The following TTF1 variants were observed in gnomAD, a reference collection of about 807,000 sequenced individuals.
The protein encoded by TTF1 is transcription termination factor, RNA polymerase I.
In TTF1, 64 loss-of-function variants were observed where a neutral mutation model predicts 80.2. The ratio of observed to expected loss-of-function variants is 0.80; its 90% CI spans 0.65 to 0.98. The LOEUF is 0.98. Among genes scored for constraint, TTF1 ranks in the 50% least tolerant of loss-of-function variants. The probability of loss-of-function intolerance (pLI) is 0.00; values close to 1 mark genes in which losing one functional copy is unlikely to be tolerated. For missense variants in TTF1, 1,023 were observed against 1,086.2 expected (o/e 0.94, Z 0.82); for synonymous variants, 372 against 382.7 (o/e 0.97, Z 0.33).
chr9:132,394,452 G>A (rs1054330475), intron 5 of TTF1, among the ~76,000 whole-genome samples: 5 of 151,448 alleles, frequency 3.3e-5, no homozygotes, highest in Non-Finnish European at 5.9e-5. Flanking sequence ...GCTAATTTTT[G>A]TATTTTTAGT....
Position 132,375,868 on chromosome 9 carries a change from T to C in TTF1, c.*47A>G, listed in dbSNP as rs527660653. ...CGGCTAATTTTTGCATTTTTAATAG[T>C]GACAGGTCTTCACCATGTTGGTCAG... On this transcript the variant is annotated 3_prime_UTR_variant, in exon 11 of 11. Transcript: ENST00000334270. 4.2e-6 allele frequency: 5 copies of C among 1,195,482 alleles called. No homozygotes were observed. The Admixed American group carries it at 8.8e-5, about 21-fold the overall frequency. 74.1% of individuals were successfully genotyped at this position (1,195,482 alleles called of 1,614,324 possible). A position where few individuals can be genotyped will look rare whatever the true frequency, so the allele number is the denominator to read the frequency against.
chr9:132,385,065 G>A (rs1849435790), intron 9 of TTF1, among the ~76,000 whole-genome samples: 1 of 152,162 alleles, frequency 6.6e-6, no homozygotes, highest in South Asian at 2.1e-4. Context: ...ATGATATTCA[G>A]TTCTGTATTT....
chr9:132,392,199 C>T lies in TTF1; in HGVS notation c.1864G>A (p.Glu622Lys), dbSNP rs373368136. 42 of 1,614,090 alleles carry T rather than the reference C, an allele frequency of 2.6e-5. No homozygotes were observed. Among genetic ancestry groups the T allele is most frequent in the African/African-American group, 1.6e-4 (12 of 75,028 alleles). Reference sequence around the variant, plus strand: ...ATCTTTAACTTCTCAGTATCTCCTTCGCTATACCTAGGAGAAAGGGAAAAT... The same window carrying T: ...ATCTTTAACTTCTCAGTATCTCCTTTGCTATACCTAGGAGAAAGGGAAAAT... ...DVNNYKGRYS[E>K]GDTEKLKMYH... The change falls in exon 6 of 11, where the codon GAA becomes AAA. Residue 622 changes from glutamate to lysine, a missense_variant. Glu to Lys is a moderately conservative substitution (Grantham distance 56). Coordinates refer to ENST00000334270, the MANE Select transcript of TTF1 (RefSeq NM_007344.4).
At chr9:132,378,630 TG>T (rs1245338429) in intron 10 of TTF1, among the ~76,000 whole-genome samples, 2 of 71,308 alleles carry the variant, frequency 2.8e-5, no homozygotes, top group Non-Finnish European at 4.9e-5. Context: ...TGCATGTGGT[TG>T]GTGTGAGTGC....
At position 132,375,808 on chromosome 9, in the gene TTF1, A is replaced by T. The variant is rs1053528041; in HGVS notation, c.*107T>A. 6.8e-5 allele frequency: 46 copies of T among 680,466 alleles called. No homozygotes were observed. The African/African-American group carries it at 8.3e-4, about 12-fold the overall frequency. 42.2% of individuals were successfully genotyped at this position (680,466 alleles called of 1,614,324 possible). Reference sequence around the variant, plus strand: ...AGCAATTCTCCTGCCTCAGCCTCCCAAGTAGTTGAAATTACAGGTGTGCAC... The same window carrying T: ...AGCAATTCTCCTGCCTCAGCCTCCCTAGTAGTTGAAATTACAGGTGTGCAC... On this transcript the variant is annotated 3_prime_UTR_variant, in exon 11 of 11. Transcript: ENST00000334270.
At chr9:132,401,068 G>A (rs1461178109) in intron 2 of TTF1, among the ~76,000 whole-genome samples, 1 of 152,154 alleles carries the variant, frequency 6.6e-6, no homozygotes, top group Non-Finnish European at 1.5e-5. Flanking sequence ...GGTGGTTCAC[G>A]CCTGTAATCC....
intron 10 of TTF1, among the ~76,000 whole-genome samples, chr9:132,377,600 G>A (rs1209531133): frequency 4.1e-5 from 3 of 73,318 alleles, no homozygotes; most frequent in African/African-American, 1.2e-4. Context: ...TGCATGTGGT[G>A]TGTGTGTGAA....
chr9:132,395,941 G>A (rs974482051), intron 5 of TTF1, among the ~76,000 whole-genome samples: 1 of 152,144 alleles, frequency 6.6e-6, no homozygotes, highest in Non-Finnish European at 1.5e-5. Flanking sequence ...ATTGTATTTG[G>A]GGAAAAGGAA....
rs766567602 is a variant in TTF1, at chr9:132,402,275, C to T, written c.547G>A (p.Ala183Thr). ...RKAASWESQR[A>T]RDTLPQSESH... ...TCTGACTGAGGCAGGGTGTCCCTTG[C>T]CCGCTGGCTCTCCCAGGATGCAGCT... The change falls in exon 2 of 11, where the codon GCA (alanine) becomes ACA (threonine). Residue 183 changes from alanine to threonine, a missense_variant. Ala to Thr is a moderately conservative substitution (Grantham distance 58). Transcript: ENST00000334270. 2 of 1,614,086 alleles carry T rather than the reference C, an allele frequency of 1.2e-6. No individual in the cohort carries two copies. Among genetic ancestry groups the T allele is most frequent in the Non-Finnish European group, 1.7e-6 (2 of 1,180,000 alleles).
In TTF1 at chr9:132,379,150, G is replaced by A. The variant is rs751468421; in HGVS notation, c.2379-6C>T. On this transcript the variant is annotated splice_region_variant and splice_polypyrimidine_tract_variant and intron_variant, in intron 9 of 10. Transcript: ENST00000334270. ...CGTAAGATGGAGGAACATCACTTTA[G>A]AAAAGGAAAGAAAAGATAAAAAGCA... The A allele has an allele frequency of 2.5e-6, 4 of 1,587,164 alleles. No individual in the cohort carries two copies. Among genetic ancestry groups the A allele is most frequent in the East Asian group, 4.5e-5 (2 of 44,630 alleles).
chr9:132,378,354 TGTG>T (rs1302004267), intron 10 of TTF1, among the ~76,000 whole-genome samples: 2 of 114,212 alleles, frequency 1.8e-5, no homozygotes, highest in African/African-American at 3.3e-5. Flanking sequence ...TGTGAGTGCA[TGTG>T]GTGCGTGTGA....
In TTF1 at chr9:132,381,624, G is replaced by C. The variant is rs1239266150; in HGVS notation, c.2379-2480C>G. On this transcript the variant is annotated intron_variant, in intron 9 of 10. Transcript: ENST00000334270. The stretch of plus-strand genomic sequence containing the variant: ...AGCACCTGGCACCCTCCCTGCTTGG[G>C]GCCTATGATGCTGAAGAGTGGGCAC... Among the ~76,000 whole-genome samples the C allele has an allele frequency of 2.0e-5, 3 of 152,152 alleles. No individual in the cohort carries two copies. The South Asian group carries it at 6.2e-4, about 32-fold the overall frequency.
chr9:132,380,219 AC>A (rs1017658222), intron 9 of TTF1, among the ~76,000 whole-genome samples: 3 of 151,970 alleles, frequency 2.0e-5, no homozygotes, highest in Non-Finnish European at 4.4e-5. Context: ...ACAGGTGCCC[AC>A]CACCACGCCC....
At chr9:132,381,894 C>T (rs577325980) in intron 9 of TTF1, among the ~76,000 whole-genome samples, 1 of 152,308 alleles carries the variant, frequency 6.6e-6, no homozygotes, top group South Asian at 2.1e-4. Context: ...TCCTAATGGA[C>T]CAATGGCGAC....
At position 132,395,673 on chromosome 9, in the gene TTF1, A is replaced by G. The variant is rs148174472; in HGVS notation, c.1856+760T>C. Among the ~76,000 whole-genome samples the G allele has an allele frequency of 3.1e-3, 476 of 152,336 alleles. 2 individuals carry two copies. The highest frequency in any genetic ancestry group is 0.011 in the African/African-American group (462 of 41,580). Reference sequence around the variant, plus strand: ...AGGTCATATCAACGTTGGAAGTTTAAGTAATGACCTATGTCTCAGTTTACA... The same window carrying G: ...AGGTCATATCAACGTTGGAAGTTTAGGTAATGACCTATGTCTCAGTTTACA... On this transcript the variant is annotated intron_variant, in intron 5 of 10. Transcript: ENST00000334270.
rs1429870964 is a variant in TTF1 at position 132,384,923 on chromosome 9, T to C, written c.2378+1633A>G. Among the ~76,000 whole-genome samples, 1 of 152,218 alleles carries C rather than the reference T, an allele frequency of 6.6e-6. No individual in the cohort carries two copies. Among genetic ancestry groups the C allele is most frequent in the Non-Finnish European group, 1.5e-5 (1 of 68,034 alleles). ...TGCCCACCTTGGCCTCCCAAAGTGC[T>C]GGGATTACAGGCAAGAGCCACCGTG... On this transcript the variant is annotated intron_variant, in intron 9 of 10. Transcript: ENST00000334270. This position sits in a 1 kb window ranked among gnomAD's most constrained non-coding sequence, Gnocchi z 4.1.
rs191219444 is a variant in TTF1, at chr9:132,389,077, T to C, written c.2223-849A>G. On this transcript the variant is annotated intron_variant, in intron 7 of 10. Coordinates refer to ENST00000334270, the MANE Select transcript of TTF1 (RefSeq NM_007344.4). The stretch of plus-strand genomic sequence containing the variant: ...ATTAATAGCTAAATCTTGCACGTTA[T>C]CTTAATTATGTTGATCTTGAACCAG... Among the ~76,000 whole-genome samples the C allele has an allele frequency of 3.9e-5, 6 of 152,276 alleles. No homozygotes were observed. In the East Asian group the frequency reaches 1.2e-3, roughly 29 times the overall value.
rs1400082501 is a variant in TTF1 at position 132,384,894 on chromosome 9, G to A, written c.2378+1662C>T. On this transcript the variant is annotated intron_variant, in intron 9 of 10. Transcript: ENST00000334270. This position sits in a 1 kb window ranked among gnomAD's most constrained non-coding sequence, Gnocchi z 4.1. ...TGGTCTTGAACTCCTGACCTCAGGT[G>A]ATCTGCCCACCTTGGCCTCCCAAAG... Among the ~76,000 whole-genome samples the A allele has an allele frequency of 6.6e-6, 1 of 152,258 alleles. No homozygotes were observed. Among genetic ancestry groups the A allele is most frequent in the South Asian group, 2.1e-4 (1 of 4,816 alleles).
chr9:132,397,679 C>T (rs1208947351), intron 4 of TTF1, among the ~76,000 whole-genome samples: 1 of 152,172 alleles, frequency 6.6e-6, no homozygotes, highest in East Asian at 1.9e-4. Flanking sequence ...CCAGAAAGTA[C>T]AGACTGGCAA....
Sources: gnomAD v4.1 joint callset for allele counts (sites outside exome capture counted in the v4.1 genomes callset) on GRCh38, gnomAD v4.1.1 for gene constraint, Gnocchi (gnomAD v3.1) non-coding constraint, MANE v1.5 for transcripts, NCBI Gene and HGNC (gene_info 2026-07-23, HGNC 2026-07-21) for gene names.